AGAP1: variants seen among roughly 807,000 people sequenced by gnomAD.
AGAP1 encodes the protein arf-GAP with GTPase, ANK repeat and PH domain-containing protein 1.
A neutral mutation model predicts 105.3 loss-of-function variants in AGAP1; 29 were observed. That is an observed-to-expected ratio of 0.28 (90% CI 0.21 to 0.38). The LOEUF (loss-of-function observed/expected upper bound fraction) is 0.38. AGAP1 is among the 10% of genes least tolerant of loss of function. The pLI is 1.00. For missense variants in AGAP1, 998 were observed against 1,165.1 expected, an observed-to-expected ratio of 0.86 and a Z score of 2.09; for synonymous variants, 509 against 485.9, an observed-to-expected ratio of 1.05 and a Z score of -0.63.
In AGAP1 at chr2:235,734,053, A is replaced by G. The variant is rs1352899596; in HGVS notation, c.311-6910A>G. Among the ~76,000 whole-genome samples, 1 of 152,224 alleles carries G rather than the reference A, an allele frequency of 6.6e-6. No individual in the cohort carries two copies. The highest frequency in any genetic ancestry group is 2.4e-5 in the African/African-American group (1 of 41,456). ...AAATGAGCCAAACTTATTTTTTACAAATTTCTGGCGCATTCATGATTGAAA... is the reference window on the plus strand; with the variant it reads ...AAATGAGCCAAACTTATTTTTTACAGATTTCTGGCGCATTCATGATTGAAA... On this transcript the variant is annotated intron_variant, in intron 3 of 17. Coordinates refer to ENST00000304032, the MANE Select transcript of AGAP1 (RefSeq NM_001037131.3). The surrounding 1 kb of genome is among the most constrained non-coding windows in gnomAD (Gnocchi z 5.3).
chr2:236,071,903 G>T (rs1047130474), intron 16 of AGAP1, among the ~76,000 whole-genome samples: 1 of 152,056 alleles, frequency 6.6e-6, no homozygotes, highest in African/African-American at 2.4e-5. Flanking sequence ...ATTTTTCTTG[G>T]TTTTAAAAAC....
rs144234164 is a variant in AGAP1 at position 235,914,441 on chromosome 2, T to C, written c.1324+5535T>C. Among the ~76,000 whole-genome samples, 94 of 152,060 alleles carry C rather than the reference T, an allele frequency of 6.2e-4. 1 individual carries two copies. The highest frequency in any genetic ancestry group is 4.6e-3 in the Admixed American group (71 of 15,276). On this transcript the variant is annotated intron_variant, in intron 11 of 17. Coordinates refer to ENST00000304032, the MANE Select transcript of AGAP1 (RefSeq NM_001037131.3). ...AAAGATAAACACACAAGTAAGATCA[T>C]TGTAAGGAATGATAAGTGCTGAAGG...
chr2:236,044,810 G>T lies in AGAP1; in HGVS notation c.1891+3969G>T, dbSNP rs2057668165. The stretch of plus-strand genomic sequence containing the variant: ...ACACATCCCTACTCCCTGCTGTTCT[G>T]CCCTGGGGGCTTCCTGGCTCTGGTG... On this transcript the variant is annotated intron_variant, in intron 15 of 17. Coordinates refer to ENST00000304032, the MANE Select transcript of AGAP1 (RefSeq NM_001037131.3). This position sits in a 1 kb window ranked among gnomAD's most constrained non-coding sequence, Gnocchi z 5.7. 2.6e-5 allele frequency among the ~76,000 whole-genome samples: 4 copies of T among 151,874 alleles called. 1 individual carries two copies. Among genetic ancestry groups the T allele is most frequent in the Non-Finnish European group, 4.4e-5 (3 of 67,994 alleles).
At position 235,613,640 on chromosome 2, in the gene AGAP1, G is replaced by GAA. The variant is rs1946213155; in HGVS notation, c.164-95539_164-95538insAA. Among the ~76,000 whole-genome samples the GAA allele has an allele frequency of 2.0e-5, 3 of 152,226 alleles. No homozygotes were observed. In the South Asian group the frequency reaches 6.2e-4, roughly 32 times the overall value. ...CTCCCTGAAAAAACTACAAGAAATG[G>GAA]TAAGGAAGAGAATAAAAGAGGAAAA... On this transcript the variant is annotated intron_variant, in intron 1 of 17. Coordinates refer to ENST00000304032, the MANE Select transcript of AGAP1 (RefSeq NM_001037131.3).
intron 1 of AGAP1, among the ~76,000 whole-genome samples, chr2:235,498,794 A>G (rs1941436635): frequency 6.6e-6 from 1 of 152,152 alleles, no homozygotes; most frequent in Admixed American, 6.5e-5. Flanking sequence ...CCAGCCCACA[A>G]GCCTCCATCC....
At position 235,734,878 on chromosome 2, in the gene AGAP1, C is replaced by A. The variant is rs1011781809; in HGVS notation, c.311-6085C>A. 6.6e-6 allele frequency among the ~76,000 whole-genome samples: 1 copy of A among 152,254 alleles called. No individual in the cohort carries two copies. ...ATTGGAGTCTTGGTCCTGCCGCGTGCTGGCCGTGGAGCTCTTGCTCTGTGT... is the reference window on the plus strand; with the variant it reads ...ATTGGAGTCTTGGTCCTGCCGCGTGATGGCCGTGGAGCTCTTGCTCTGTGT... On this transcript the variant is annotated intron_variant, in intron 3 of 17. Transcript: ENST00000304032. The surrounding 1 kb of genome is among the most constrained non-coding windows in gnomAD (Gnocchi z 5.3).
intron 1 of AGAP1, among the ~76,000 whole-genome samples, chr2:235,546,700 G>A (rs781781390): frequency 6.6e-6 from 1 of 152,138 alleles, no homozygotes; most frequent in Non-Finnish European, 1.5e-5. Context: ...CTCACCGGCC[G>A]GTTTGGAGTC....
At chr2:235,785,144 C>CT (rs1425007059) in intron 6 of AGAP1, among the ~76,000 whole-genome samples, 3 of 152,104 alleles carry the variant, frequency 2.0e-5, no homozygotes, top group Non-Finnish European at 4.4e-5. Context: ...AAGAAAATGT[C>CT]TTTTTTATGT....
At chr2:235,921,580 T>C (rs1575784742) in intron 11 of AGAP1, among the ~76,000 whole-genome samples, 1 of 152,322 alleles carries the variant, frequency 6.6e-6, no homozygotes, top group Admixed American at 6.5e-5. Context: ...TTCCAGGATG[T>C]GGAATCCTAA....
chr2:235,548,034 C>T (rs13021173), intron 1 of AGAP1, among the ~76,000 whole-genome samples: 37,530 of 152,194 alleles, frequency 0.25, 5,172 homozygotes, highest in East Asian at 0.44. Flanking sequence ...AGCCAAGCTG[C>T]GGACAGAGGG....
intron 1 of AGAP1, among the ~76,000 whole-genome samples, chr2:235,616,039 T>C (rs1946296377): frequency 2.6e-5 from 4 of 152,182 alleles, no homozygotes; most frequent in Admixed American, 2.6e-4. Context: ...TATTTGGCTT[T>C]GTTGATTAAA....
Position 236,038,819 on chromosome 2 carries a change from ATGTGTGTGTGTG to A in AGAP1, c.1801-1913_1801-1902del, listed in dbSNP as rs3030744. Among the ~76,000 whole-genome samples the A allele has an allele frequency of 1.0e-5, 1 of 95,638 alleles. No individual in the cohort carries two copies. Among genetic ancestry groups the A allele is most frequent in the Non-Finnish European group, 2.9e-5 (1 of 34,928 alleles). 62.7% of individuals were successfully genotyped at this position (95,638 alleles called of 152,430 possible). Reference sequence around the variant, plus strand: ...GAGAGACAGAGGCACATCCCTTTGTATGTGTGTGTGTGTGTGTGTGTGTGTGTGTGATCACAC... The same window carrying A: ...GAGAGACAGAGGCACATCCCTTTGTATGTGTGTGTGTGTGTGTGATCACAC... On this transcript the variant is annotated intron_variant, in intron 14 of 17. Transcript: ENST00000304032. This position sits in a 1 kb window ranked among gnomAD's most constrained non-coding sequence, Gnocchi z 4.5.
In AGAP1 at chr2:235,604,572, C is replaced by CTTTTTTTTTTTTTTTTTTTTTTTTT. The variant is rs1166523228; in HGVS notation, c.164-104603_164-104579dup. On this transcript the variant is annotated intron_variant, in intron 1 of 17. Transcript: ENST00000304032. ...CGTGTTTCTTTTTTATTTTTATTAT[C>CTTTTTTTTTTTTTTTTTTTTTTTTT]TTTTTTTTTTTTTTTTTTTTTTTTT... is the stretch of plus-strand genomic sequence containing the variant. Among the ~76,000 whole-genome samples the CTTTTTTTTTTTTTTTTTTTTTTTTT allele has an allele frequency of 2.7e-4, 19 of 69,682 alleles. 2 individuals carry two copies. Among genetic ancestry groups the CTTTTTTTTTTTTTTTTTTTTTTTTT allele is most frequent in the Non-Finnish European group, 3.7e-4 (15 of 40,346 alleles). 45.7% of individuals were successfully genotyped at this position (69,682 alleles called of 152,430 possible). A position where few individuals can be genotyped will look rare whatever the true frequency, so the allele number is the denominator to read the frequency against.
chr2:235,692,589 TG>T lies in AGAP1; in HGVS notation c.164-16587del, dbSNP rs891356213. Among the ~76,000 whole-genome samples the T allele has an allele frequency of 5.3e-5, 8 of 151,740 alleles. No homozygotes were observed. The highest frequency in any genetic ancestry group is 1.9e-4 in the African/African-American group (8 of 41,358). On this transcript the variant is annotated intron_variant, in intron 1 of 17. Coordinates refer to ENST00000304032, the MANE Select transcript of AGAP1 (RefSeq NM_001037131.3). This position sits in a 1 kb window ranked among gnomAD's most constrained non-coding sequence, Gnocchi z 5.8. ...CCCTTGCCCTCCCCCCTTGCCTTCC[TG>T]GGCCATCCTTTTCTGACTCAGCCTC...
chr2:235,955,862 C>G (rs1381138669), intron 12 of AGAP1, among the ~76,000 whole-genome samples: 1 of 152,138 alleles, frequency 6.6e-6, no homozygotes, highest in African/African-American at 2.4e-5. Context: ...GCATTCAGGA[C>G]CCTGGACAAA....
At chr2:235,730,440 C>T (rs1951877242) in intron 3 of AGAP1, among the ~76,000 whole-genome samples, 1 of 142,066 alleles carries the variant, frequency 7.0e-6, no homozygotes, top group Non-Finnish European at 1.5e-5. Context: ...GAGTTAGGCA[C>T]TTTCTCCAGT....
chr2:235,822,620 A>T (rs1202733941), intron 9 of AGAP1, among the ~76,000 whole-genome samples: 1 of 147,032 alleles, frequency 6.8e-6, no homozygotes. Context: ...GGAGAAGCTG[A>T]AGAAGCTCAG....
intron 6 of AGAP1, among the ~76,000 whole-genome samples, chr2:235,771,529 G>A (rs1037101201): frequency 6.6e-6 from 1 of 152,200 alleles, no homozygotes; most frequent in African/African-American, 2.4e-5. Flanking sequence ...TCTGCCCTGT[G>A]GAACTGGTGG....
At chr2:235,945,176 A>G (rs762617466) in intron 12 of AGAP1, among the ~76,000 whole-genome samples, 56 of 152,174 alleles carry the variant, frequency 3.7e-4, no homozygotes, top group Admixed American at 1.4e-3. Flanking sequence ...TCTCGGCTCA[A>G]TGCAAGCTCC....
Sources: allele counts gnomAD v4.1 joint callset (sites outside exome capture counted in the v4.1 genomes callset), GRCh38; gene constraint gnomAD v4.1.1; non-coding constraint Gnocchi (gnomAD v3.1); transcripts MANE v1.5; gene names NCBI Gene and HGNC (gene_info 2026-07-23, HGNC 2026-07-21).